The following TPM3 variants were observed in gnomAD, a reference collection of about 807,000 sequenced individuals.
TPM3 encodes the protein tropomyosin alpha-3 chain.
Under a neutral mutation model 43.1 loss-of-function variants are expected in TPM3, and 16 were observed. The ratio of observed to expected loss-of-function variants is 0.37; its 90% CI spans 0.25 to 0.56. The LOEUF (loss-of-function observed/expected upper bound fraction) is 0.56. TPM3 is among the 20% of genes least tolerant of loss of function. TPM3 has a pLI of 0.77. For missense variants in TPM3, 176 were observed against 337.2 expected (o/e 0.52, Z 3.74); for synonymous variants, 101 against 116.9 (o/e 0.86, Z 0.88).
At chr1:154,156,989 T>C (rs1214595047), downstream of TPM3, 2 of 198,580 alleles carry the variant, frequency 1.0e-5, no homozygotes, top group African/African-American at 4.6e-5. Flanking sequence ...TGGTAACTTC[T>C]AATGAAAAAA....
At chr1:154,171,544 A>T in intron 5 of TPM3, 56 bp from the exon 6 acceptor site, 2 of 1,581,202 alleles carry the variant, frequency 1.3e-6, no homozygotes, top group Non-Finnish European at 1.7e-6. Context: ...GAGAATAAAA[A>T]AAGGGAGAGA....
intron 3 of TPM3, among the ~76,000 whole-genome samples, chr1:154,174,407 T>TATATATATATATATATACAC (rs1261318136): frequency 1.9e-4 from 14 of 72,680 alleles, no homozygotes; most frequent in Admixed American, 3.9e-4. Flanking sequence ...TATATATATA[T>TATATATATATATATATACAC]ACACACAAAA....
At chr1:154,180,662 C>G (rs1662840693) in intron 2 of TPM3, among the ~76,000 whole-genome samples, 1 of 152,080 alleles carries the variant, frequency 6.6e-6, no homozygotes, top group South Asian at 2.1e-4. Flanking sequence ...AATCTCAGCA[C>G]TTTGGGAGGC....
At chr1:154,185,026 T>C (rs1430581916) in intron 2 of TPM3, among the ~76,000 whole-genome samples, 4 of 152,066 alleles carry the variant, frequency 2.6e-5, no homozygotes, top group Non-Finnish European at 5.9e-5. Context: ...CTTTTACCAA[T>C]TTCAATGCCA....
intron 2 of TPM3, 114 bp downstream of exon 2, chr1:154,191,072 A>G: frequency 6.6e-7 from 1 of 1,511,094 alleles, no homozygotes; most frequent in South Asian, 1.1e-5. Flanking sequence ...AATGTATGTG[A>G]GTATATATGT....
chr1:154,183,273 C>T (rs1198794229), intron 2 of TPM3: 1 of 1,516,404 alleles, frequency 6.6e-7, no homozygotes, highest in Non-Finnish European at 8.8e-7. Context: ...GCCCTCCCAC[C>T]GCCAGGCAGG....
rs1660512886 is a variant in TPM3 at position 154,162,729 on chromosome 1, C to T, written c.*5208G>A. ...TTCTGCAAGGATATTAAGCCTTAAACAAAGGAATGAATTTAGCATTAGCAC... is the reference window on the plus strand; with the variant it reads ...TTCTGCAAGGATATTAAGCCTTAAATAAAGGAATGAATTTAGCATTAGCAC... On this transcript the variant is annotated 3_prime_UTR_variant, in exon 10 of 10. Coordinates refer to ENST00000651641, the MANE Select transcript of TPM3 (RefSeq NM_152263.4). Among the ~76,000 whole-genome samples, 1 of 152,176 alleles carries T rather than the reference C, an allele frequency of 6.6e-6. No homozygotes were observed. Among genetic ancestry groups the T allele is most frequent in the Non-Finnish European group, 1.5e-5 (1 of 68,040 alleles).
intron 2 of TPM3, among the ~76,000 whole-genome samples, chr1:154,186,405 T>G (rs10797051): frequency 0.97 from 147,329 of 151,372 alleles, 71,768 homozygotes; most frequent in East Asian, 1. Flanking sequence ...CTTAATGCAG[T>G]CAAACAGATG....
intron 3 of TPM3, among the ~76,000 whole-genome samples, chr1:154,175,539 C>G (rs1489946886): frequency 6.6e-6 from 1 of 152,134 alleles, no homozygotes; most frequent in Non-Finnish European, 1.5e-5. Flanking sequence ...CCAGGCCCCA[C>G]ATCCAAAGTT....
At chr1:154,178,333 C>T (rs749949284) in intron 2 of TPM3, 22 of 262,866 alleles carry the variant, frequency 8.4e-5, no homozygotes, top group Non-Finnish European at 1.2e-4. Context: ...AGGGGGAAAA[C>T]ACATCTTGGT....
Position 154,172,805 on chromosome 1 carries a change from G to A in TPM3, c.566+103C>T, listed in dbSNP as rs975453453. 3.5e-6 allele frequency: 5 copies of A among 1,447,494 alleles called. No individual in the cohort carries two copies. The African/African-American group carries it at 4.2e-5, about 12-fold the overall frequency. 89.7% of individuals were successfully genotyped at this position (1,447,494 alleles called of 1,614,324 possible). A position where few individuals can be genotyped will look rare whatever the true frequency, so the allele number is the denominator to read the frequency against. ...AGATGACTCCCATTCCCTAGGCCCT[G>A]TTTAACAAGGTTGAAGGAATGCTAA... On this transcript the variant is annotated intron_variant, in intron 5 of 9. Transcript: ENST00000651641.
At chr1:154,182,913 G>A in intron 2 of TPM3, 1 of 1,602,724 alleles carries the variant, frequency 6.2e-7, no homozygotes, top group Non-Finnish European at 8.5e-7. Flanking sequence ...GTGCTCCACG[G>A]CAAAAGGGAC....
At chr1:154,159,045 C>T (rs775238305), downstream of TPM3, 10 of 780,340 alleles carry the variant, frequency 1.3e-5, no homozygotes, top group Middle Eastern at 4.5e-4. Flanking sequence ...GCTGTAGAGA[C>T]GCTCTGCAGC....
rs1261333028 is a variant in TPM3, at chr1:154,187,848, C to T, written c.243+3338G>A. Among the ~76,000 whole-genome samples the T allele has an allele frequency of 4.0e-5, 6 of 151,514 alleles. 2 individuals are homozygous for T. Among genetic ancestry groups the T allele is most frequent in the African/African-American group, 1.5e-4 (6 of 40,806 alleles). ...CAATTTCTCACAAAACTGTTATTAACCTGACATTGTGCTAGTTTGTGAAAA... is the reference window on the plus strand; with the variant it reads ...CAATTTCTCACAAAACTGTTATTAATCTGACATTGTGCTAGTTTGTGAAAA... On this transcript the variant is annotated intron_variant, in intron 2 of 9. Coordinates refer to ENST00000651641, the MANE Select transcript of TPM3 (RefSeq NM_152263.4).
rs377266734 is a variant in TPM3, at chr1:154,183,373, C to T, written c.244-7125G>A. The T allele has an allele frequency of 5.4e-6, 7 of 1,305,666 alleles. 1 individual carries two copies. The highest frequency in any genetic ancestry group is 5.6e-5 in the Admixed American group (2 of 35,820). The allele number at this position is 1,305,666 out of a possible 1,614,324, so 80.9% of individuals were successfully genotyped here. ...TACGGCTCCCGGCCTTACCTTGGGCCAGTAAACTGGGACGGGGTTGGGACG... is the reference window on the plus strand; with the variant it reads ...TACGGCTCCCGGCCTTACCTTGGGCTAGTAAACTGGGACGGGGTTGGGACG... On this transcript the variant is annotated intron_variant, in intron 2 of 9. Coordinates refer to ENST00000651641, the MANE Select transcript of TPM3 (RefSeq NM_152263.4).
chr1:154,166,617 C>T lies in TPM3; in HGVS notation c.*1320G>A, dbSNP rs1266489066. ...TAAAGTACTAAGTGAACAACACTTA[C>T]GTGCTTGGATTAGTATAATTCACAG... On this transcript the variant is annotated 3_prime_UTR_variant, in exon 10 of 10. Coordinates refer to ENST00000651641, the MANE Select transcript of TPM3 (RefSeq NM_152263.4). 9.6e-6 allele frequency: 10 copies of T among 1,041,514 alleles called. No individual in the cohort carries two copies. In the East Asian group the frequency reaches 4.0e-4, roughly 42 times the overall value. The allele number at this position is 1,041,514 out of a possible 1,614,324, so 64.5% of individuals were successfully genotyped here. A position where few individuals can be genotyped will look rare whatever the true frequency, so the allele number is the denominator to read the frequency against.
intron 2 of TPM3, among the ~76,000 whole-genome samples, chr1:154,182,163 C>G (rs1032790659): frequency 5.3e-5 from 8 of 152,212 alleles, no homozygotes; most frequent in African/African-American, 1.9e-4. Flanking sequence ...TTGCACTGAT[C>G]ACACTTCAGC....
Position 154,168,050 on chromosome 1 carries a change from A to C in TPM3, c.855-110T>G. The C allele has an allele frequency of 2.7e-6, 4 of 1,492,594 alleles. No homozygotes were observed. In the South Asian group the frequency reaches 4.6e-5, roughly 17 times the overall value. 92.5% of individuals were successfully genotyped at this position (1,492,594 alleles called of 1,614,324 possible). On this transcript the variant is annotated intron_variant, in intron 9 of 9. Coordinates refer to ENST00000651641, the MANE Select transcript of TPM3 (RefSeq NM_152263.4). ...AGGAAGAGGTGGCAGCAGGAATAAT[A>C]AAAGAGAGCCAGACACTTCAGCCTG...
chr1:154,168,529 A>G (rs925048704), intron 9 of TPM3, among the ~76,000 whole-genome samples: 2 of 152,048 alleles, frequency 1.3e-5, no homozygotes, highest in African/African-American at 4.8e-5. Flanking sequence ...TTGCCTCCAG[A>G]GCTTTTTTTT....
Sources: gnomAD v4.1 joint callset for allele counts (sites outside exome capture counted in the v4.1 genomes callset) on GRCh38, gnomAD v4.1.1 for gene constraint, MANE v1.5 for transcripts, NCBI Gene and HGNC (gene_info 2026-07-23, HGNC 2026-07-21) for gene names.